The following NOL4 variants were observed in gnomAD, a reference collection of about 807,000 sequenced individuals.
NOL4 encodes cancer/testis antigen 125.
Under a neutral mutation model 75.9 loss-of-function variants are expected in NOL4, and 17 were observed. The ratio of observed to expected loss-of-function variants is 0.22; its 90% CI spans 0.15 to 0.34. NOL4 has a LOEUF of 0.34. NOL4 is among the 10% of genes least tolerant of loss of function. The pLI is 1.00. For synonymous variants in NOL4, 292 were observed against 289.9 expected (o/e 1.01, Z -0.07); for missense variants, 614 against 793.5 (o/e 0.77, Z 2.72).
chr18:33,918,921 T>G (rs1473025218), intron 9 of NOL4, among the ~76,000 whole-genome samples: 1 of 152,160 alleles, frequency 6.6e-6, no homozygotes, highest in Non-Finnish European at 1.5e-5. Context: ...TGCCACTTAC[T>G]ACCCTATAGA....
chr18:34,159,623 C>T (rs996951948), intron 1 of NOL4, among the ~76,000 whole-genome samples: 1 of 152,134 alleles, frequency 6.6e-6, no homozygotes. Context: ...CCCGCCTCGC[C>T]GGAGGGGTCC....
intron 5 of NOL4, among the ~76,000 whole-genome samples, chr18:34,026,241 T>C (rs2075334026): frequency 1.3e-5 from 2 of 152,168 alleles, no homozygotes; most frequent in South Asian, 2.1e-4. Context: ...AGATGGATAA[T>C]TGGACAAAGA....
intron 2 of NOL4, among the ~76,000 whole-genome samples, chr18:34,108,521 G>T (rs1052816491): frequency 6.6e-6 from 1 of 152,218 alleles, no homozygotes; most frequent in Non-Finnish European, 1.5e-5. Context: ...CATGCAAATG[G>T]TAACCAAAAG....
chr18:33,948,812 T>C (rs572881452), intron 8 of NOL4, among the ~76,000 whole-genome samples: 3 of 152,194 alleles, frequency 2.0e-5, no homozygotes, highest in Non-Finnish European at 4.4e-5. Context: ...TCTGCCATCA[T>C]AGAGTTTACT....
chr18:34,079,013 A>G (rs922110804), intron 5 of NOL4, among the ~76,000 whole-genome samples: 1 of 152,180 alleles, frequency 6.6e-6, no homozygotes, highest in African/African-American at 2.4e-5. Flanking sequence ...TTTTAATTGA[A>G]TCTAGTTTAT....
intron 2 of NOL4, chr18:34,121,259 G>C (rs1056434469): frequency 1.3e-5 from 2 of 152,154 alleles, no homozygotes; most frequent in African/African-American, 4.8e-5. Context: ...ACCTCTTCCT[G>C]TCTTGATTTT....
intron 5 of NOL4, among the ~76,000 whole-genome samples, chr18:34,049,738 T>A (rs1004611862): frequency 6.6e-6 from 1 of 152,082 alleles, no homozygotes; most frequent in African/African-American, 2.4e-5. Flanking sequence ...CTGTAATTAT[T>A]CTCCTTTGTG....
chr18:34,045,937 C>T (rs1207320373), intron 5 of NOL4, among the ~76,000 whole-genome samples: 1 of 152,112 alleles, frequency 6.6e-6, no homozygotes, highest in Non-Finnish European at 1.5e-5. Flanking sequence ...AACCATCAAT[C>T]ACAATGGGCA....
chr18:33,870,672 G>A (rs1457254586), intron 10 of NOL4, among the ~76,000 whole-genome samples: 1 of 151,698 alleles, frequency 6.6e-6, no homozygotes, highest in Non-Finnish European at 1.5e-5. Flanking sequence ...GATAAACTGT[G>A]CTCATAAATA....
At chr18:33,869,829 A>G (rs1452646) in intron 10 of NOL4, among the ~76,000 whole-genome samples, 29,344 of 151,976 alleles carry the variant, frequency 0.19, 3,417 homozygotes, top group East Asian at 0.4. Flanking sequence ...GACTTCTCTT[A>G]GTGATTTCTT....
At chr18:34,140,181 G>A (rs942782872) in intron 1 of NOL4, among the ~76,000 whole-genome samples, 1 of 152,204 alleles carries the variant, frequency 6.6e-6, no homozygotes, top group East Asian at 1.9e-4. Flanking sequence ...GAGTTCTGTA[G>A]ATGTCTATTA....
chr18:34,192,756 T>TG (rs1406116400), intron 1 of NOL4, among the ~76,000 whole-genome samples: 1 of 152,102 alleles, frequency 6.6e-6, no homozygotes, highest in Non-Finnish European at 1.5e-5. Context: ...AATGCAACAG[T>TG]GTTGAGAGGT....
intron 9 of NOL4, among the ~76,000 whole-genome samples, chr18:33,908,965 G>A (rs1000785761): frequency 5.3e-5 from 8 of 152,044 alleles, no homozygotes; most frequent in Admixed American, 3.3e-4. Flanking sequence ...TTGACTATGG[G>A]TGTAGCGCAT....
At chr18:34,003,876 G>A (rs1456790930) in intron 6 of NOL4, among the ~76,000 whole-genome samples, 1 of 152,020 alleles carries the variant, frequency 6.6e-6, no homozygotes, top group African/African-American at 2.4e-5. Context: ...GAAGTGGGGG[G>A]TCAGACGTGC....
chr18:33,971,674 T>C (rs573672127), intron 6 of NOL4, among the ~76,000 whole-genome samples: 2 of 152,290 alleles, frequency 1.3e-5, no homozygotes, highest in East Asian at 3.9e-4. Context: ...AGTACTTTCA[T>C]CAGGTAACTT....
intron 1 of NOL4, among the ~76,000 whole-genome samples, chr18:34,164,750 C>A (rs1009552717): frequency 4.6e-5 from 7 of 151,818 alleles, no homozygotes; most frequent in Non-Finnish European, 1.5e-5. Context: ...GGTATATACC[C>A]AAAGGACTAT....
intron 2 of NOL4, among the ~76,000 whole-genome samples, chr18:34,126,528 G>A (rs2080398119): frequency 6.6e-6 from 1 of 152,050 alleles, no homozygotes; most frequent in South Asian, 2.1e-4. Context: ...CTTAGTTCCT[G>A]GATTTCTACC....
chr18:34,167,222 G>A (rs1335590248), intron 1 of NOL4, among the ~76,000 whole-genome samples: 1 of 151,856 alleles, frequency 6.6e-6, no homozygotes, highest in Admixed American at 6.6e-5. Context: ...TTTTCTATCA[G>A]GGAATTGAGC....
intron 5 of NOL4, among the ~76,000 whole-genome samples, chr18:34,086,308 TA>T (rs1334961108): frequency 3.9e-5 from 6 of 152,154 alleles, no homozygotes; most frequent in Non-Finnish European, 7.4e-5. Flanking sequence ...AACATCCTTT[TA>T]ACAATTTTTG....
Sources: allele counts gnomAD v4.1 joint callset (sites outside exome capture counted in the v4.1 genomes callset), GRCh38; gene constraint gnomAD v4.1.1; transcripts MANE v1.5; gene names NCBI Gene and HGNC (gene_info 2026-07-23, HGNC 2026-07-21).